Variants in LAMA3 observed in about 807,000 individuals in gnomAD.
LAMA3 encodes the protein laminin subunit alpha 3.
LAMA3 carries 281 observed loss-of-function variants against 402.0 expected under a neutral mutation model. The observed-to-expected ratio is 0.70, with a 90% CI of 0.63 to 0.77. The LOEUF (loss-of-function observed/expected upper bound fraction) is 0.77. Among genes scored for constraint, LAMA3 ranks in the 30% least tolerant of loss-of-function variants. The pLI is 0.00. For missense variants in LAMA3, 3,840 were observed against 4,215.5 expected (o/e 0.91, Z 2.47); for synonymous variants, 1,431 against 1,558.4 (o/e 0.92, Z 1.93).
chr18:23,903,303 G>A (rs1048014421), intron 49 of LAMA3, among the ~76,000 whole-genome samples, 178 bp downstream of exon 49: 34 of 152,248 alleles, frequency 2.2e-4, no homozygotes, highest in African/African-American at 8.2e-4. Flanking sequence ...TGAATGACAT[G>A]TCTTCTTATG....
At chr18:23,815,003 T>C (rs1249427969) in intron 15 of LAMA3, among the ~76,000 whole-genome samples, 185 bp from the exon 16 acceptor site, 1 of 152,240 alleles carries the variant, frequency 6.6e-6, no homozygotes, top group East Asian at 1.9e-4. Context: ...TAGTGTGGAT[T>C]GGTCTGTTCT....
chr18:23,711,753 C>T (rs2060994009), intron 1 of LAMA3, among the ~76,000 whole-genome samples: 1 of 152,178 alleles, frequency 6.6e-6, no homozygotes, highest in South Asian at 2.1e-4. Flanking sequence ...AAAATATAAA[C>T]TGGGTGGTGC....
At chr18:23,858,235 A>T (rs2144716597) in intron 33 of LAMA3, among the ~76,000 whole-genome samples, 1 of 152,284 alleles carries the variant, frequency 6.6e-6, no homozygotes, top group South Asian at 2.1e-4. Context: ...TTTCCAGAAA[A>T]ATCAGCACAA....
At chr18:23,764,260 A>G (rs890127830) in intron 8 of LAMA3, among the ~76,000 whole-genome samples, 1 of 152,190 alleles carries the variant, frequency 6.6e-6, no homozygotes, top group African/African-American at 2.4e-5. Context: ...CTTTTATATT[A>G]TCTGTTATTG....
chr18:23,773,915 G>A (rs2062258005), intron 9 of LAMA3, among the ~76,000 whole-genome samples: 1 of 152,120 alleles, frequency 6.6e-6, no homozygotes, highest in East Asian at 1.9e-4. Context: ...ATGTTTCTAT[G>A]ATCTCTAATA....
chr18:23,896,203 G>C (rs919085596), intron 44 of LAMA3, among the ~76,000 whole-genome samples: 1 of 152,160 alleles, frequency 6.6e-6, no homozygotes. Context: ...AGGCATGATG[G>C]CACATGCCTG....
At chr18:23,695,689 T>TTGG (rs1196937761) in intron 1 of LAMA3, among the ~76,000 whole-genome samples, 1 of 150,368 alleles carries the variant, frequency 6.7e-6, no homozygotes, top group African/African-American at 2.4e-5. Context: ...TCCCATCTAC[T>TTGG]TGGGAGGCTG....
At chr18:23,725,127 TGAG>T (rs2061275945) in intron 2 of LAMA3, among the ~76,000 whole-genome samples, 1 of 151,986 alleles carries the variant, frequency 6.6e-6, no homozygotes, top group African/African-American at 2.4e-5. Context: ...TTTTTTTTTT[TGAG>T]ACAGAGTCTT....
At chr18:23,785,236 G>A (rs1018827978) in intron 12 of LAMA3, among the ~76,000 whole-genome samples, 2 of 152,206 alleles carry the variant, frequency 1.3e-5, no homozygotes, top group East Asian at 3.9e-4. Flanking sequence ...AACCCAATTG[G>A]CATCCAGAGC....
At chr18:23,696,092 G>T (rs891696456) in intron 1 of LAMA3, among the ~76,000 whole-genome samples, 7 of 152,172 alleles carry the variant, frequency 4.6e-5, no homozygotes, top group Non-Finnish European at 1.0e-4. Context: ...GATTGGCTCT[G>T]CAGAGACTAA....
chr18:23,861,845 G>T, intron 35 of LAMA3, 38 bp downstream of exon 35: 1 of 1,583,932 alleles, frequency 6.3e-7, no homozygotes, highest in South Asian at 1.1e-5. Flanking sequence ...CCCTCAGTGG[G>T]CCTCTGCTAT....
At chr18:23,782,447 G>A (rs998249803) in intron 11 of LAMA3, among the ~76,000 whole-genome samples, 1 of 152,116 alleles carries the variant, frequency 6.6e-6, no homozygotes, top group Admixed American at 6.5e-5. Context: ...GAGCTACTCG[G>A]GAGGCTGAGG....
At chr18:23,819,648 G>A (rs1405082454) in intron 18 of LAMA3, among the ~76,000 whole-genome samples, 193 bp from the exon 19 acceptor site, 1 of 152,200 alleles carries the variant, frequency 6.6e-6, no homozygotes, top group Non-Finnish European at 1.5e-5. Flanking sequence ...CGTTGAGTGT[G>A]TTTTATGTGA....
At chr18:23,741,436 C>G (rs951206324) in intron 2 of LAMA3, among the ~76,000 whole-genome samples, 5 of 152,090 alleles carry the variant, frequency 3.3e-5, no homozygotes, top group Non-Finnish European at 5.9e-5. Flanking sequence ...AAAAAAATGT[C>G]AAACCAGGTT....
At chr18:23,849,254 C>T (rs1203689175) in intron 32 of LAMA3, among the ~76,000 whole-genome samples, 1 of 152,210 alleles carries the variant, frequency 6.6e-6, no homozygotes, top group African/African-American at 2.4e-5. Context: ...CTGGTGCCTC[C>T]CAACTCCTTG....
chr18:23,824,720 GGTGACAT>G (rs1313735877), intron 21 of LAMA3, among the ~76,000 whole-genome samples, 155 bp downstream of exon 21: 1 of 152,096 alleles, frequency 6.6e-6, no homozygotes, highest in Non-Finnish European at 1.5e-5. Context: ...AGGAAACTGT[GGTGACAT>G]TCACCCTCAA....
chr18:23,730,325 C>T (rs1228341946), intron 2 of LAMA3, among the ~76,000 whole-genome samples: 1 of 151,480 alleles, frequency 6.6e-6, no homozygotes, highest in Non-Finnish European at 1.5e-5. Flanking sequence ...CATCCTTATA[C>T]ACTGCCCTCA....
intron 2 of LAMA3, among the ~76,000 whole-genome samples, chr18:23,714,757 C>T (rs967775066): frequency 2.6e-5 from 4 of 152,188 alleles, no homozygotes; most frequent in East Asian, 1.9e-4. Flanking sequence ...CAACCATCGC[C>T]GTCATCCATC....
intron 8 of LAMA3, among the ~76,000 whole-genome samples, chr18:23,770,528 G>A (rs1480939081): frequency 6.6e-6 from 1 of 152,190 alleles, no homozygotes; most frequent in Non-Finnish European, 1.5e-5. Flanking sequence ...TTGGGAGGCT[G>A]AGGCGGGCGG....
Sources: allele counts gnomAD v4.1 joint callset (sites outside exome capture counted in the v4.1 genomes callset), GRCh38; gene constraint gnomAD v4.1.1; transcripts MANE v1.5; gene names NCBI Gene and HGNC (gene_info 2026-07-23, HGNC 2026-07-21).